The following KCNQ3 variants were observed in gnomAD, a reference collection of about 807,000 sequenced individuals.
KCNQ3 encodes the protein potassium voltage-gated channel subfamily Q member 3.
A neutral mutation model predicts 92.5 loss-of-function variants in KCNQ3; 30 were observed. That is an observed-to-expected ratio of 0.32 (90% CI 0.24 to 0.44). The LOEUF is 0.44. KCNQ3 is among the 20% of genes least tolerant of loss of function. KCNQ3 has a pLI of 1.00. For synonymous variants in KCNQ3, 450 were observed against 468.8 expected, an observed-to-expected ratio of 0.96 and a Z score of 0.52; for missense variants, 913 against 1,140.3, an observed-to-expected ratio of 0.80 and a Z score of 2.87.
At chr8:132,230,854 C>T (rs1012702515) in intron 1 of KCNQ3, among the ~76,000 whole-genome samples, 1 of 152,158 alleles carries the variant, frequency 6.6e-6, no homozygotes, top group Non-Finnish European at 1.5e-5. Flanking sequence ...ATAAGCTCAA[C>T]TGTGTCCTCC....
chr8:132,437,063 A>AG (rs1821413136), intron 1 of KCNQ3, among the ~76,000 whole-genome samples: 1 of 151,530 alleles, frequency 6.6e-6, no homozygotes. Flanking sequence ...GCGGATCACG[A>AG]GGTCAGGAGA....
chr8:132,140,210 C>G lies in KCNQ3; in HGVS notation c.1466-32G>C, dbSNP rs778776044. On this transcript the variant is annotated intron_variant, in intron 10 of 14. Transcript: ENST00000388996. ...GGGAGACACACATATGAACGGCAGG[C>G]CACAGACCTGGAAAAGGCTTGGGGA... 13 of 1,543,430 alleles carry G rather than the reference C, an allele frequency of 8.4e-6. No homozygotes were observed. The South Asian group carries it at 1.3e-4, about 16-fold the overall frequency.
intron 1 of KCNQ3, among the ~76,000 whole-genome samples, chr8:132,479,147 A>G (rs1350490351): frequency 6.6e-6 from 1 of 152,092 alleles, no homozygotes; most frequent in Admixed American, 6.5e-5. Context: ...CAGATTTCCA[A>G]TCTTGAATGA....
intron 1 of KCNQ3, among the ~76,000 whole-genome samples, chr8:132,204,748 T>G (rs1813601292): frequency 6.6e-6 from 1 of 152,236 alleles, no homozygotes; most frequent in South Asian, 2.1e-4. Context: ...TCTGGAAACT[T>G]CAGACTTTAT....
At chr8:132,241,420 G>A (rs1199219675) in intron 1 of KCNQ3, among the ~76,000 whole-genome samples, 2 of 150,470 alleles carry the variant, frequency 1.3e-5, no homozygotes, top group Non-Finnish European at 1.5e-5. Flanking sequence ...ACTTTGAGAC[G>A]GAATTTCGCT....
rs142433515 is a variant in KCNQ3, at chr8:132,329,458, G to A, written c.387-143277C>T. On this transcript the variant is annotated intron_variant, in intron 1 of 14. Coordinates refer to ENST00000388996, the MANE Select transcript of KCNQ3 (RefSeq NM_004519.4). ...AGCAAAACGTCTGCTAGTAGAAAAG[G>A]ATACTGGATTCTGAGATTCTCTTGA... 4.7e-3 allele frequency among the ~76,000 whole-genome samples: 708 copies of A among 152,054 alleles called. 5 individuals are homozygous for A. The highest frequency in any genetic ancestry group is 0.017 in the African/African-American group (686 of 41,504).
intron 1 of KCNQ3, among the ~76,000 whole-genome samples, chr8:132,190,996 T>A (rs954576222): frequency 6.6e-6 from 1 of 152,216 alleles, no homozygotes; most frequent in African/African-American, 2.4e-5. Flanking sequence ...AACCAATGTA[T>A]GTTTAGAGAA....
At chr8:132,136,042 C>T (rs2130934823) in intron 12 of KCNQ3, among the ~76,000 whole-genome samples, 1 of 146,466 alleles carries the variant, frequency 6.8e-6, no homozygotes, top group East Asian at 2.1e-4. Flanking sequence ...TCACTTGAAC[C>T]CGGGAGGCAG....
chr8:132,153,467 C>G lies in KCNQ3; in HGVS notation c.1262+10001G>C, dbSNP rs200520257. ...CCAAGACACATTTTTGTTCCAAACT[C>G]AATTCCAAGCTTTGGGTCAAAGCCC... On this transcript the variant is annotated intron_variant, in intron 9 of 14. Coordinates refer to ENST00000388996, the MANE Select transcript of KCNQ3 (RefSeq NM_004519.4). Among the ~76,000 whole-genome samples the G allele has an allele frequency of 7.0e-4, 107 of 152,220 alleles. No homozygotes were observed. The South Asian group carries it at 0.022, about 31-fold the overall frequency.
intron 1 of KCNQ3, among the ~76,000 whole-genome samples, chr8:132,367,985 A>G (rs1346156034): frequency 6.6e-6 from 1 of 152,182 alleles, no homozygotes; most frequent in Non-Finnish European, 1.5e-5. Context: ...ATGATGCAGG[A>G]ATATACTGCA....
At chr8:132,203,732 CA>C (rs1282459659) in intron 1 of KCNQ3, among the ~76,000 whole-genome samples, 1 of 152,130 alleles carries the variant, frequency 6.6e-6, no homozygotes, top group Non-Finnish European at 1.5e-5. Flanking sequence ...CATTTAAACT[CA>C]AAGGGTTGCT....
At position 132,175,811 on chromosome 8, in the gene KCNQ3, A is replaced by C. The variant is rs10505591; in HGVS notation, c.778-203T>G. Among the ~76,000 whole-genome samples the C allele has an allele frequency of 0.051, 7,782 of 152,246 alleles. 313 individuals carry two copies. The highest frequency in any genetic ancestry group is 0.074 in the Non-Finnish European group (5,024 of 68,012). ...GTTATTTCATCATTAATTAACAGAA[A>C]AAGTGTATGGCTCCAGGAGGAGAGG... On this transcript the variant is annotated intron_variant, in intron 4 of 14. Transcript: ENST00000388996.
intron 1 of KCNQ3, among the ~76,000 whole-genome samples, chr8:132,328,862 T>C (rs992996392): frequency 6.6e-5 from 10 of 152,138 alleles, no homozygotes; most frequent in African/African-American, 2.4e-4. Flanking sequence ...ACTGCAACAC[T>C]TCCTAACAAG....
chr8:132,440,963 G>T (rs1463355174), intron 1 of KCNQ3, among the ~76,000 whole-genome samples: 1 of 152,184 alleles, frequency 6.6e-6, no homozygotes, highest in African/African-American at 2.4e-5. Context: ...AAGGTTTAGG[G>T]CCTGCCAGAT....
At chr8:132,141,086 G>A in intron 10 of KCNQ3, 43 bp downstream of exon 10, 1 of 1,562,932 alleles carries the variant, frequency 6.4e-7, no homozygotes, top group South Asian at 1.1e-5. Context: ...ACTTGGGGGA[G>A]GAAGAAGTGG....
At chr8:132,355,628 T>A (rs1401700024) in intron 1 of KCNQ3, among the ~76,000 whole-genome samples, 2 of 151,868 alleles carry the variant, frequency 1.3e-5, no homozygotes, top group South Asian at 2.1e-4. Flanking sequence ...TCTAAAAAAA[T>A]AAAGCTGGCA....
At chr8:132,242,791 T>C (rs933345388) in intron 1 of KCNQ3, among the ~76,000 whole-genome samples, 1 of 152,250 alleles carries the variant, frequency 6.6e-6, no homozygotes, top group Admixed American at 6.5e-5. Context: ...TACCTGACAT[T>C]ACATTTCTGT....
At chr8:132,230,549 A>T (rs2130371547) in intron 1 of KCNQ3, among the ~76,000 whole-genome samples, 1 of 152,254 alleles carries the variant, frequency 6.6e-6, no homozygotes, top group African/African-American at 2.4e-5. Context: ...CCTGTCATTT[A>T]CTCAGGAAGG....
intron 1 of KCNQ3, among the ~76,000 whole-genome samples, chr8:132,261,242 T>A (rs576588392): frequency 6.6e-6 from 1 of 152,236 alleles, no homozygotes; most frequent in Non-Finnish European, 1.5e-5. Flanking sequence ...TGGTTTCCTC[T>A]ATGAAGACTG....
Sources: allele counts gnomAD v4.1 joint callset (sites outside exome capture counted in the v4.1 genomes callset), GRCh38; gene constraint gnomAD v4.1.1; transcripts MANE v1.5; gene names NCBI Gene and HGNC (gene_info 2026-07-23, HGNC 2026-07-21).